BDH1: variants seen among roughly 807,000 people sequenced by gnomAD.
The protein encoded by BDH1 is D-beta-hydroxybutyrate dehydrogenase, mitochondrial.
In BDH1, 30 loss-of-function variants were observed where a neutral mutation model predicts 33.1. The ratio of observed to expected loss-of-function variants is 0.91; its 90% CI spans 0.68 to 1.23. The LOEUF (loss-of-function observed/expected upper bound fraction) is 1.23, where lower values mean the gene tolerates loss of function less well. Among genes scored for constraint, BDH1 ranks in the 50% most tolerant of loss-of-function variants. The pLI, the probability that BDH1 is intolerant of heterozygous loss-of-function variation, is 0.00. For missense variants in BDH1, 443 were observed against 464.4 expected (o/e 0.95, Z 0.42); for synonymous variants, 190 against 183.6 (o/e 1.03, Z -0.28).
intron 4 of BDH1, among the ~76,000 whole-genome samples, chr3:197,532,950 A>T (rs1275699156): frequency 6.6e-6 from 1 of 152,112 alleles, no homozygotes; most frequent in Non-Finnish European, 1.5e-5. Flanking sequence ...GTCTCGGCTC[A>T]CCGCAAAACC....
chr3:197,513,493 CA>C (rs1314838739), intron 7 of BDH1, among the ~76,000 whole-genome samples: 28 of 139,140 alleles, frequency 2.0e-4, no homozygotes, highest in African/African-American at 2.8e-4. Context: ...CCCGGGAGGG[CA>C]CTCAGCCCAT....
At chr3:197,567,309 A>G (rs1484336278) in intron 1 of BDH1, among the ~76,000 whole-genome samples, 1 of 152,226 alleles carries the variant, frequency 6.6e-6, no homozygotes, top group Non-Finnish European at 1.5e-5. Context: ...AGCTAAGGGA[A>G]GAGTCAAGCT....
chr3:197,565,378 C>T (rs1224060151), intron 1 of BDH1, among the ~76,000 whole-genome samples: 2 of 152,042 alleles, frequency 1.3e-5, no homozygotes, highest in African/African-American at 2.4e-5. Context: ...TGTTCTAAAC[C>T]TTTGATATTT....
intron 5 of BDH1, among the ~76,000 whole-genome samples, chr3:197,530,979 A>G (rs2108739848): frequency 6.6e-6 from 1 of 152,378 alleles, no homozygotes; most frequent in East Asian, 1.9e-4. Context: ...CATATTCAGA[A>G]ATTAAATTAC....
At chr3:197,513,465 A>G in intron 7 of BDH1, among the ~76,000 whole-genome samples, 1 of 145,806 alleles carries the variant, frequency 6.9e-6, no homozygotes, top group Non-Finnish European at 1.5e-5. Flanking sequence ...GAGGGCACTC[A>G]GCCCATCCAG....
At chr3:197,547,441 T>A (rs530754967) in intron 2 of BDH1, among the ~76,000 whole-genome samples, 20 of 152,254 alleles carry the variant, frequency 1.3e-4, no homozygotes, top group Non-Finnish European at 2.4e-4. Context: ...ACCAGCCACC[T>A]GGGCCCAGAG....
rs1714872251 is a variant in BDH1 at position 197,533,397 on chromosome 3, G to GC, written c.156+91dup. On this transcript the variant is annotated intron_variant, in intron 4 of 7. Coordinates refer to ENST00000392379, the MANE Select transcript of BDH1 (RefSeq NM_203314.3). ...CTCCCAGTGTCCTGGAAACACTAAG[G>GC]CCCCACTCTGAGGGTAGCTCAGGGC... 3.0e-6 allele frequency: 4 copies of GC among 1,326,246 alleles called. No homozygotes were observed. In the Admixed American group the frequency reaches 7.2e-5, roughly 24 times the overall value. 82.2% of individuals were successfully genotyped at this position (1,326,246 alleles called of 1,614,324 possible).
intron 3 of BDH1, among the ~76,000 whole-genome samples, chr3:197,544,506 T>C (rs186270816): frequency 5.3e-4 from 81 of 152,354 alleles, no homozygotes; most frequent in African/African-American, 1.9e-3. Context: ...TGGAGACAGA[T>C]CTTGCCATCT....
intron 1 of BDH1, among the ~76,000 whole-genome samples, chr3:197,572,245 TAGC>T (rs1440413706): frequency 1.3e-5 from 2 of 152,304 alleles, no homozygotes; most frequent in African/African-American, 4.8e-5. Context: ...CCCTGTGATT[TAGC>T]AGGACACAAG....
chr3:197,522,980 T>C lies in BDH1; in HGVS notation c.268-199A>G, dbSNP rs1560312773. The C allele has an allele frequency of 1.7e-6, 1 of 586,304 alleles. No homozygotes were observed. Among genetic ancestry groups the C allele is most frequent in the Non-Finnish European group, 3.0e-6 (1 of 337,394 alleles). The allele number at this position is 586,304 out of a possible 1,614,324, so 36.3% of individuals were successfully genotyped here. A position where few individuals can be genotyped will look rare whatever the true frequency, so the allele number is the denominator to read the frequency against. Reference sequence around the variant, plus strand: ...TGATGACCTATCAAGCATCAAGCTATGTGCCACAGACACAACCATGAATAG... The same window carrying C: ...TGATGACCTATCAAGCATCAAGCTACGTGCCACAGACACAACCATGAATAG... On this transcript the variant is annotated intron_variant, in intron 5 of 7. Transcript: ENST00000392379. This position sits in a 1 kb window ranked among gnomAD's most constrained non-coding sequence, Gnocchi z 4.8.
rs1714102940 is a variant in BDH1 at position 197,526,407 on chromosome 3, G to C, written c.268-3626C>G. 6.6e-6 allele frequency among the ~76,000 whole-genome samples: 1 copy of C among 152,202 alleles called. No homozygotes were observed. Among genetic ancestry groups the C allele is most frequent in the South Asian group, 2.1e-4 (1 of 4,832 alleles). ...GCAAGACTGTAGTCGTCTGAGGCTGGCTAATGTCTGCTGTTGCTGCCCCTG... is the reference window on the plus strand; with the variant it reads ...GCAAGACTGTAGTCGTCTGAGGCTGCCTAATGTCTGCTGTTGCTGCCCCTG... On this transcript the variant is annotated intron_variant, in intron 5 of 7. Transcript: ENST00000392379. This position sits in a 1 kb window ranked among gnomAD's most constrained non-coding sequence, Gnocchi z 4.7.
At position 197,510,725 on chromosome 3, in the gene BDH1, G is replaced by A. The variant is rs1711935238; in HGVS notation, c.*1170C>T. On this transcript the variant is annotated 3_prime_UTR_variant, in exon 8 of 8. Coordinates refer to ENST00000392379, the MANE Select transcript of BDH1 (RefSeq NM_203314.3). Reference sequence around the variant, plus strand: ...TGTGTGTGTGTGTGTGTGTACATGTGTGTAAGCACCACGTGAGGCAAGCAG... The same window carrying A: ...TGTGTGTGTGTGTGTGTGTACATGTATGTAAGCACCACGTGAGGCAAGCAG... The A allele has an allele frequency of 7.0e-6, 1 of 142,746 alleles. No individual in the cohort carries two copies. Among genetic ancestry groups the A allele is most frequent in the African/African-American group, 2.7e-5 (1 of 36,984 alleles). 8.8% of individuals were successfully genotyped at this position (142,746 alleles called of 1,614,324 possible).
chr3:197,563,434 T>C (rs570838335), intron 1 of BDH1, among the ~76,000 whole-genome samples: 133 of 152,276 alleles, frequency 8.7e-4, no homozygotes, highest in African/African-American at 2.9e-3. Context: ...CAAGGAGAGT[T>C]TGGAGGTTAA....
chr3:197,524,974 C>A (rs1464661458), intron 5 of BDH1, among the ~76,000 whole-genome samples: 1 of 152,180 alleles, frequency 6.6e-6, no homozygotes, highest in Non-Finnish European at 1.5e-5. Flanking sequence ...TGCCTTCGGA[C>A]ACAGCAGCCA....
At chr3:197,531,418 A>AT (rs1553872383) in intron 5 of BDH1, among the ~76,000 whole-genome samples, 920 of 137,228 alleles carry the variant, frequency 6.7e-3, no homozygotes, top group South Asian at 9.4e-3. Flanking sequence ...TTAAAAAAAA[A>AT]ATATATATAT....
intron 5 of BDH1, among the ~76,000 whole-genome samples, chr3:197,527,854 G>A (rs1407701203): frequency 2.6e-5 from 4 of 151,638 alleles, no homozygotes; most frequent in Non-Finnish European, 4.4e-5. Flanking sequence ...ACTCCCTCCC[G>A]CACCTCCTTT....
In BDH1 at chr3:197,510,644, GT is replaced by G. The variant is rs1711862187; in HGVS notation, c.*1250del. 1 of 58,756 alleles carries G rather than the reference GT, an allele frequency of 1.7e-5. No homozygotes were observed. Among genetic ancestry groups the G allele is most frequent in the Admixed American group, 1.7e-4 (1 of 6,016 alleles). 3.6% of individuals were successfully genotyped at this position (58,756 alleles called of 1,614,324 possible). On this transcript the variant is annotated 3_prime_UTR_variant, in exon 8 of 8. Transcript: ENST00000392379. ...TGTGTGTGTGTGTGTGTGTGTGTGTGTGTGTGTGTGTGTGTGTGTGTGTGTG... is the reference window on the plus strand; with the variant it reads ...TGTGTGTGTGTGTGTGTGTGTGTGTGGTGTGTGTGTGTGTGTGTGTGTGTG...
chr3:197,560,050 A>G (rs1717211020), upstream of BDH1, among the ~76,000 whole-genome samples: 1 of 152,238 alleles, frequency 6.6e-6, no homozygotes, highest in African/African-American at 2.4e-5. Flanking sequence ...TCCTCAACCC[A>G]GGGAGGTACT....
Position 197,523,829 on chromosome 3 carries a change from G to A in BDH1, c.268-1048C>T, listed in dbSNP as rs147101728. On this transcript the variant is annotated intron_variant, in intron 5 of 7. Coordinates refer to ENST00000392379, the MANE Select transcript of BDH1 (RefSeq NM_203314.3). This position sits in a 1 kb window ranked among gnomAD's most constrained non-coding sequence, Gnocchi z 4.5. ...TTCACAAGAGGGGGCCGATGGGGACGGGGCACTGTGGGAAGAGATAAGAGG... is the reference window on the plus strand; with the variant it reads ...TTCACAAGAGGGGGCCGATGGGGACAGGGCACTGTGGGAAGAGATAAGAGG... Among the ~76,000 whole-genome samples, 6 of 152,304 alleles carry A rather than the reference G, an allele frequency of 3.9e-5. No individual in the cohort carries two copies. The highest frequency in any genetic ancestry group is 3.9e-4 in the East Asian group (2 of 5,176).
Sources: gnomAD v4.1 joint callset for allele counts (sites outside exome capture counted in the v4.1 genomes callset) on GRCh38, gnomAD v4.1.1 for gene constraint, Gnocchi (gnomAD v3.1) non-coding constraint, MANE v1.5 for transcripts, NCBI Gene and HGNC (gene_info 2026-07-23, HGNC 2026-07-21) for gene names.